The following TRAF3 variants were observed in gnomAD, a reference collection of about 807,000 sequenced individuals.
TRAF3 encodes the protein TNF receptor-associated factor 3.
A neutral mutation model predicts 62.3 loss-of-function variants in TRAF3; 13 were observed. The observed-to-expected ratio is 0.21, with a 90% CI of 0.14 to 0.33. The LOEUF is 0.33. TRAF3 is among the 10% of genes least tolerant of loss of function. TRAF3 has a pLI of 1.00. For missense variants in TRAF3, 440 were observed against 741.8 expected (o/e 0.59, Z 4.73); for synonymous variants, 269 against 283.4 (o/e 0.95, Z 0.51).
intron 2 of TRAF3, among the ~76,000 whole-genome samples, chr14:102,853,540 T>C (rs1328203457): frequency 6.6e-6 from 1 of 152,106 alleles, no homozygotes; most frequent in Non-Finnish European, 1.5e-5. Context: ...TTTGTGTATA[T>C]TCAGAATGTT....
At chr14:102,780,983 T>A (rs1196783596) in intron 1 of TRAF3, among the ~76,000 whole-genome samples, 1 of 152,162 alleles carries the variant, frequency 6.6e-6, no homozygotes, top group Non-Finnish European at 1.5e-5. Context: ...CGGGGGAGAA[T>A]ACTTTCTCCC....
chr14:102,880,600 A>G (rs552299093), intron 6 of TRAF3, among the ~76,000 whole-genome samples: 2 of 152,252 alleles, frequency 1.3e-5, no homozygotes, highest in Non-Finnish European at 1.5e-5. Context: ...AAGCAGTCCT[A>G]TTACTGGGTA....
rs1233361162 is a variant in TRAF3 at position 102,777,693 on chromosome 14, G to GCGGGCGGGCCTCCGGCGCGCGGC, written c.-157+25_-157+47dup. 2 of 144,932 alleles carry GCGGGCGGGCCTCCGGCGCGCGGC rather than the reference G, an allele frequency of 1.4e-5. No individual in the cohort carries two copies. The highest frequency in any genetic ancestry group is 4.9e-5 in the African/African-American group (2 of 40,500). The allele number at this position is 144,932 out of a possible 1,614,324, so 9.0% of individuals were successfully genotyped here. A position where few individuals can be genotyped will look rare whatever the true frequency, so the allele number is the denominator to read the frequency against. ...ACCGCGAGGTAAGGGGCCGCGGCGGGCGGGCGGGCCTCCGGCGCGCGGCCG... is the reference window on the plus strand; with the variant it reads ...ACCGCGAGGTAAGGGGCCGCGGCGGGCGGGCGGGCCTCCGGCGCGCGGCCGGGCGGGCCTCCGGCGCGCGGCCG... On this transcript the variant is annotated intron_variant, in intron 1 of 11. Coordinates refer to ENST00000392745, the MANE Select transcript of TRAF3 (RefSeq NM_145725.3).
Position 102,907,951 on chromosome 14 carries a change from C to T in TRAF3, c.*2167C>T, listed in dbSNP as rs913043558. The stretch of plus-strand genomic sequence containing the variant: ...AAGCTGCGGAAAACTACTGTTCCCT[C>T]GAAGGTGTCCCCCACCTGAGGCCTG... On this transcript the variant is annotated 3_prime_UTR_variant, in exon 12 of 12. Transcript: ENST00000392745. 7 of 152,300 alleles carry T rather than the reference C, an allele frequency of 4.6e-5. No homozygotes were observed. The highest frequency in any genetic ancestry group is 1.3e-4 in the Admixed American group (2 of 15,292). 9.4% of individuals were successfully genotyped at this position (152,300 alleles called of 1,614,324 possible). A position where few individuals can be genotyped will look rare whatever the true frequency, so the allele number is the denominator to read the frequency against.
chr14:102,805,630 C>T (rs1169445628), intron 1 of TRAF3, among the ~76,000 whole-genome samples: 4 of 152,148 alleles, frequency 2.6e-5, no homozygotes, highest in African/African-American at 9.7e-5. Flanking sequence ...GCAGCCAGCT[C>T]GGTGATTCCA....
At chr14:102,873,437 G>T (rs190670554) in intron 4 of TRAF3, among the ~76,000 whole-genome samples, 13 of 152,220 alleles carry the variant, frequency 8.5e-5, no homozygotes, top group Non-Finnish European at 1.3e-4. Context: ...AGAGAAGCTC[G>T]CGACGATGGC....
At chr14:102,778,503 T>C (rs10137035) in intron 1 of TRAF3, among the ~76,000 whole-genome samples, 120,177 of 152,198 alleles carry the variant, frequency 0.79, 47,729 homozygotes, top group East Asian at 0.95. Flanking sequence ...GATTACGAGC[T>C]GTTGACGGGA....
chr14:102,880,903 C>T (rs1889012663), intron 6 of TRAF3, among the ~76,000 whole-genome samples: 1 of 152,084 alleles, frequency 6.6e-6, no homozygotes, highest in Non-Finnish European at 1.5e-5. Context: ...AATGGAGAAA[C>T]CCCATCTCTA....
chr14:102,825,856 GTC>G (rs1220924616), intron 1 of TRAF3, among the ~76,000 whole-genome samples: 1 of 152,232 alleles, frequency 6.6e-6, no homozygotes, highest in African/African-American at 2.4e-5. Flanking sequence ...GCTTGAGTGA[GTC>G]TCTCTGAAGC....
At chr14:102,893,038 T>G (rs913574142) in intron 9 of TRAF3, among the ~76,000 whole-genome samples, 1 of 152,180 alleles carries the variant, frequency 6.6e-6, no homozygotes, top group African/African-American at 2.4e-5. Context: ...TCACAGGCTT[T>G]TTATCTTTCA....
chr14:102,898,022 C>G (rs1890091937), intron 10 of TRAF3, among the ~76,000 whole-genome samples: 1 of 152,264 alleles, frequency 6.6e-6, no homozygotes, highest in African/African-American at 2.4e-5. Context: ...TGCACATTCA[C>G]TTACTCGTGT....
In TRAF3 at chr14:102,903,427, C is replaced by G; in HGVS notation, c.1133C>G (p.Thr378Arg). Residue 378 changes from threonine to arginine, a missense_variant and splice_region_variant, in exon 11 of 12, where the codon ACA (threonine) becomes AGA (arginine). Thr to Arg is a moderately conservative substitution (Grantham distance 71, BLOSUM62 -1). Around this residue, in one of 6 missense-constraint regions of TRAF3, gnomAD observed 41 missense variants for 40.0 expected, o/e 1.03. Coordinates refer to ENST00000392745, the MANE Select transcript of TRAF3 (RefSeq NM_145725.3). The surrounding 1 kb of genome is among the most constrained non-coding windows in gnomAD (Gnocchi z 6.4). ...AGCGCGGGGCAAGTGGCTCGGAACACAGGTGAGGCAGGGGCCGGGGCCGGG... is the reference window on the plus strand; with the variant it reads ...AGCGCGGGGCAAGTGGCTCGGAACAGAGGTGAGGCAGGGGCCGGGGCCGGG... ...DKSAGQVARNTGLLESQLSRH... is the reference protein window; with the variant it reads ...DKSAGQVARNRGLLESQLSRH... 1 of 1,613,704 alleles carries G rather than the reference C, an allele frequency of 6.2e-7. No homozygotes were observed. The highest frequency in any genetic ancestry group is 8.5e-7 in the Non-Finnish European group (1 of 1,179,888).
chr14:102,821,970 A>G (rs2139584240), intron 1 of TRAF3, among the ~76,000 whole-genome samples: 1 of 152,322 alleles, frequency 6.6e-6, no homozygotes, highest in Admixed American at 6.5e-5. Flanking sequence ...TGAACCCTGG[A>G]GGCGGAGGTT....
intron 1 of TRAF3, among the ~76,000 whole-genome samples, chr14:102,827,704 G>T (rs937296620): frequency 6.6e-6 from 1 of 152,140 alleles, no homozygotes; most frequent in Non-Finnish European, 1.5e-5. Context: ...ACTTAGTATT[G>T]CATGAATGAA....
chr14:102,841,572 A>G (rs1886377106), intron 2 of TRAF3, among the ~76,000 whole-genome samples: 1 of 152,232 alleles, frequency 6.6e-6, no homozygotes, highest in Admixed American at 6.5e-5. Context: ...CCATAGACCA[A>G]TGGGCTGCTC....
chr14:102,883,023 T>C (rs189601173), intron 6 of TRAF3, among the ~76,000 whole-genome samples: 110 of 152,328 alleles, frequency 7.2e-4, no homozygotes, highest in African/African-American at 2.4e-3. Flanking sequence ...TCTGTAGGTA[T>C]GACCGCTTTG....
chr14:102,899,815 C>T (rs1890186359), intron 10 of TRAF3, among the ~76,000 whole-genome samples: 1 of 152,092 alleles, frequency 6.6e-6, no homozygotes, highest in South Asian at 2.1e-4. Flanking sequence ...AGTGTCTTTG[C>T]TTTTTTGCCT....
Position 102,905,685 on chromosome 14 carries a change from C to G in TRAF3, c.1608C>G (p.Val536=). The change falls in exon 12 of 12, where the codon GTC becomes GTG. Residue 536 remains valine (V), a synonymous_variant. Transcript: ENST00000392745. ...TGAATATCGCCTCTGGCTGCCCAGT[C>G]TTTGTGGCCCAAACTGTTCTAGAAA... is the stretch of plus-strand genomic sequence containing the variant. The part of the protein sequence containing the change: ...GEMNIASGCP[V]FVAQTVLENG... 2 of 1,612,590 alleles carry G rather than the reference C, an allele frequency of 1.2e-6. No individual in the cohort carries two copies. Among genetic ancestry groups the G allele is most frequent in the African/African-American group, 1.3e-5 (1 of 75,002 alleles).
chr14:102,862,788 TTTC>T (rs1460708270), intron 2 of TRAF3, among the ~76,000 whole-genome samples: 2 of 152,156 alleles, frequency 1.3e-5, no homozygotes, highest in Non-Finnish European at 2.9e-5. Flanking sequence ...GGCTGTTTAT[TTTC>T]TTCATTATTT....
Sources: gnomAD v4.1 joint callset for allele counts (sites outside exome capture counted in the v4.1 genomes callset) on GRCh38, gnomAD v4.1.1 for gene constraint, gnomAD v4.1.1 regional missense constraint, Gnocchi (gnomAD v3.1) non-coding constraint, MANE v1.5 for transcripts, NCBI Gene and HGNC (gene_info 2026-07-23, HGNC 2026-07-21) for gene names.